The following NCL variants were observed in gnomAD, a reference collection of about 807,000 sequenced individuals.
NCL encodes the protein nucleolin multifunctional protein.
Under a neutral mutation model 77.7 loss-of-function variants are expected in NCL, and 4 were observed. The observed-to-expected ratio is 0.05, with a 90% CI of 0.03 to 0.12. The LOEUF is 0.12. NCL is among the 10% of genes least tolerant of loss of function. The pLI, the probability that NCL is intolerant of heterozygous loss-of-function variation, is 1.00. For missense variants in NCL, 763 were observed against 860.9 expected, an observed-to-expected ratio of 0.89 and a Z score of 1.42; for synonymous variants, 344 against 297.8, an observed-to-expected ratio of 1.16 and a Z score of -1.60.
In NCL at chr2:231,460,704, T is replaced by C; in HGVS notation, c.776A>G (p.Glu259Gly). Reference protein sequence around the residue: ...DDEDDEDDDDEDDEEEEEEEE... With the variant: ...DDEDDEDDDDGDDEEEEEEEE... ...CTCTTCTTCCTCCTCCTCATCATCT[T>C]CATCATCATCATCTTCATCATCTTC... The change falls in exon 4 of 14, where the codon GAA (glutamate) becomes GGA (glycine). Residue 259 changes from glutamate (E) to glycine (G), a missense_variant. Physicochemically the swap from Glu to Gly is moderately conservative, Grantham distance 98. Transcript: ENST00000322723. 1 of 1,350,496 alleles carries C rather than the reference T, an allele frequency of 7.4e-7. No individual in the cohort carries two copies. Among genetic ancestry groups the C allele is most frequent in the Non-Finnish European group, 1.0e-6 (1 of 1,004,108 alleles). 83.7% of individuals were successfully genotyped at this position (1,350,496 alleles called of 1,614,324 possible). A position where few individuals can be genotyped will look rare whatever the true frequency, so the allele number is the denominator to read the frequency against.
chr2:231,464,453 G>C lies in NCL; in HGVS notation c.-100C>G. 2 of 1,479,930 alleles carry C rather than the reference G, an allele frequency of 1.4e-6. No individual in the cohort carries two copies. Among genetic ancestry groups the C allele is most frequent in the Non-Finnish European group, 1.8e-6 (2 of 1,081,740 alleles). The allele number at this position is 1,479,930 out of a possible 1,614,324, so 91.7% of individuals were successfully genotyped here. A position where few individuals can be genotyped will look rare whatever the true frequency, so the allele number is the denominator to read the frequency against. Reference sequence around the variant, plus strand: ...GCGGGTGCTGAAGATCCCGGAGCACGTACACCCGAAGGCCAGCGAGAGCTC... The same window carrying C: ...GCGGGTGCTGAAGATCCCGGAGCACCTACACCCGAAGGCCAGCGAGAGCTC... On this transcript the variant is annotated 5_prime_UTR_variant, in exon 1 of 14. Transcript: ENST00000322723.
At chr2:231,462,622 A>G in intron 2 of NCL, 1 of 494,176 alleles carries the variant, frequency 2.0e-6, no homozygotes, top group Middle Eastern at 3.2e-4. Context: ...GAAGAGTAAA[A>G]CTTTCATTCA....
chr2:231,464,110 T>C, intron 1 of NCL: 2 of 1,369,220 alleles, frequency 1.5e-6, no homozygotes, highest in East Asian at 2.7e-5. Context: ...TCAGTGACTC[T>C]GTCTTTCCCG....
chr2:231,457,138 T>C lies in NCL; in HGVS notation c.1448-14A>G, dbSNP rs551689532. 2.7e-5 allele frequency: 44 copies of C among 1,613,534 alleles called. No individual in the cohort carries two copies. In the African/African-American group the frequency reaches 3.5e-4, roughly 13 times the overall value. ...TTTTTGATTCACCTGCAAATAGAGA[T>C]GCCACATTCCTAAGACTCTGAAACA... is the stretch of plus-strand genomic sequence containing the variant. On this transcript the variant is annotated splice_polypyrimidine_tract_variant and intron_variant, in intron 9 of 13. Coordinates refer to ENST00000322723, the MANE Select transcript of NCL (RefSeq NM_005381.3).
In NCL at chr2:231,457,626, C is replaced by A. The variant is rs992420139; in HGVS notation, c.1447+17G>T. ...CTCCACCAATTCTGAAACCTTGTAA[C>A]AAGCCTAATTTCTTACCACTCCAAG... On this transcript the variant is annotated intron_variant, in intron 9 of 13. Coordinates refer to ENST00000322723, the MANE Select transcript of NCL (RefSeq NM_005381.3). 2 of 1,574,232 alleles carry A rather than the reference C, an allele frequency of 1.3e-6. No individual in the cohort carries two copies. The highest frequency in any genetic ancestry group is 3.8e-5 in the Admixed American group (2 of 51,960).
intron 1 of NCL, chr2:231,463,973 G>A (rs2046976194): frequency 2.5e-6 from 1 of 396,362 alleles, no homozygotes; most frequent in Admixed American, 4.6e-5. Flanking sequence ...CAGGACCCAC[G>A]CGGCGCGGCC....
Position 231,456,070 on chromosome 2 carries a change from G to A in NCL, c.1772C>T (p.Ser591Leu). Residue 591 changes from serine to leucine, a missense_variant, in exon 12 of 14, where the codon TCA becomes TTA. Physicochemically the swap from Ser to Leu is moderately radical, Grantham distance 145. Coordinates refer to ENST00000322723, the MANE Select transcript of NCL (RefSeq NM_005381.3). ...CCTTGCCCGAACGGAGCCGTCAAAT[G>A]ACTCCTTTAATGTCTCTTCAGTGGT... ...EDTTEETLKE[S>L]FDGSVRARIV... The A allele has an allele frequency of 6.2e-7, 1 of 1,614,082 alleles. No individual in the cohort carries two copies. The highest frequency in any genetic ancestry group is 8.5e-7 in the Non-Finnish European group (1 of 1,180,024).
At chr2:231,455,366 A>G (rs954430501) in intron 13 of NCL, 35 bp downstream of exon 13, 1 of 1,613,630 alleles carries the variant, frequency 6.2e-7, no homozygotes. Context: ...TGAAGAGCAC[A>G]TGCTATGTGG....
chr2:231,460,283 C>T lies in NCL; in HGVS notation c.909G>A (p.Pro303=), dbSNP rs149517418. The T allele has an allele frequency of 1.1e-5, 18 of 1,613,956 alleles. No homozygotes were observed. Among genetic ancestry groups the T allele is most frequent in the Middle Eastern group, 1.6e-4 (1 of 6,062 alleles). ...CAACAAAGAGATTGAAAGCCGTAGT[C>T]GGTTCTGTGCCTGCACAAAAAAAGC... ...AKKQKVEGTE[P]TTAFNLFVGN... Residue 303 remains proline (P), a synonymous_variant, in exon 6 of 14, where the codon CCG becomes CCA. Transcript: ENST00000322723.
chr2:231,463,385 AG>A (rs1405808609), intron 1 of NCL, 69 bp from the exon 2 acceptor site: 2 of 1,016,602 alleles, frequency 2.0e-6, no homozygotes, highest in African/African-American at 1.6e-5. Context: ...TTTTGCCATT[AG>A]TGTTCATACG....
Position 231,459,059 on chromosome 2 carries a change from C to T in NCL, c.1107G>A (p.Leu369=), listed in dbSNP as rs145822346. 8.7e-6 allele frequency: 14 copies of T among 1,606,684 alleles called. No homozygotes were observed. Among genetic ancestry groups the T allele is most frequent in the Non-Finnish European group, 1.2e-5 (14 of 1,177,632 alleles). The change falls in exon 7 of 14, where the codon TTG becomes TTA. Residue 369 remains leucine, a synonymous_variant. Transcript: ENST00000322723. ...DLEKALELTG[L]KVFGNEIKLE... ...GTTTAATTTCATTGCCAAAGACTTT[C>T]AAACCAGTGAGTTCCAACGCTTTCT...
chr2:231,454,845 G>T lies in NCL; in HGVS notation c.*346C>A, dbSNP rs1470845443. 1 of 120,508 alleles carries T rather than the reference G, an allele frequency of 8.3e-6. No homozygotes were observed. Among genetic ancestry groups the T allele is most frequent in the Non-Finnish European group, 1.5e-5 (1 of 66,180 alleles). 7.5% of individuals were successfully genotyped at this position (120,508 alleles called of 1,614,324 possible). ...TCTTTTCTTTTACAACCCCACGAAC[G>T]CAAAAAAAAAAAAAACAAAAACAAA... is the stretch of plus-strand genomic sequence containing the variant. On this transcript the variant is annotated 3_prime_UTR_variant, in exon 14 of 14. Coordinates refer to ENST00000322723, the MANE Select transcript of NCL (RefSeq NM_005381.3).
At chr2:231,457,377 GGTCAA>G (rs2046901488) in intron 9 of NCL, 3 of 751,316 alleles carry the variant, frequency 4.0e-6, no homozygotes, top group African/African-American at 3.6e-5. Context: ...AAACGCACAT[GGTCAA>G]GTCATTTAAA....
intron 13 of NCL, 28 bp from the exon 14 acceptor site, chr2:231,455,295 A>G (rs753338551): frequency 2.5e-6 from 4 of 1,614,060 alleles, no homozygotes; most frequent in East Asian, 4.5e-5. Flanking sequence ...GACACTGTTA[A>G]AAGAATGGGT....
At chr2:231,455,839 CAG>C (rs1188449760) in intron 12 of NCL, 169 bp downstream of exon 12, 1 of 1,250,490 alleles carries the variant, frequency 8.0e-7, no homozygotes, top group Admixed American at 1.7e-5. Context: ...TCTGTAAAGA[CAG>C]AAGGTAAAAT....
intron 6 of NCL, 21 bp from the exon 7 acceptor site, chr2:231,459,146 C>A: frequency 6.6e-7 from 1 of 1,526,512 alleles, no homozygotes; most frequent in Non-Finnish European, 8.8e-7. Flanking sequence ...GAGAGGAGGG[C>A]AAAATTACAA....
Position 231,456,518 on chromosome 2 carries a change from T to C in NCL, c.1705+113A>G. ...TTATTTCTCAGGTAATCAGTCATCA[T>C]ATCCAGTTATTGTTCACTCAGTAGC... is the stretch of plus-strand genomic sequence containing the variant. On this transcript the variant is annotated intron_variant, in intron 11 of 13. Transcript: ENST00000322723. 2.1e-6 allele frequency: 3 copies of C among 1,456,092 alleles called. No homozygotes were observed. The South Asian group carries it at 3.4e-5, about 17-fold the overall frequency. The allele number at this position is 1,456,092 out of a possible 1,614,324, so 90.2% of individuals were successfully genotyped here. A position where few individuals can be genotyped will look rare whatever the true frequency, so the allele number is the denominator to read the frequency against.
rs1489116983 is a variant in NCL at position 231,454,005 on chromosome 2, G to C, written c.*1186C>G. Reference sequence around the variant, plus strand: ...GTCTTTTACTAAAAAGGGAGGTTGAGAGGCAAGTACTTAAGACCAGAAAGA... The same window carrying C: ...GTCTTTTACTAAAAAGGGAGGTTGACAGGCAAGTACTTAAGACCAGAAAGA... On this transcript the variant is annotated 3_prime_UTR_variant, in exon 14 of 14. Coordinates refer to ENST00000322723, the MANE Select transcript of NCL (RefSeq NM_005381.3). 6.6e-6 allele frequency: 1 copy of C among 152,222 alleles called. No individual in the cohort carries two copies. The highest frequency in any genetic ancestry group is 1.9e-4 in the East Asian group (1 of 5,200). 9.4% of individuals were successfully genotyped at this position (152,222 alleles called of 1,614,324 possible). A position where few individuals can be genotyped will look rare whatever the true frequency, so the allele number is the denominator to read the frequency against.
chr2:231,458,791 T>G (rs1054924656), intron 7 of NCL: 1 of 505,662 alleles, frequency 2.0e-6, no homozygotes, highest in Non-Finnish European at 3.2e-6. Flanking sequence ...CTTGCTTGCC[T>G]AACTCAGGAA....
Sources: gnomAD v4.1 joint callset for allele counts on GRCh38, gnomAD v4.1.1 for gene constraint, MANE v1.5 for transcripts, NCBI Gene and HGNC (gene_info 2026-07-23, HGNC 2026-07-21) for gene names.